Variants in CSMD1 observed in about 807,000 individuals in gnomAD.
The protein encoded by CSMD1 is CUB and sushi domain-containing protein 1.
A neutral mutation model predicts 417.5 loss-of-function variants in CSMD1; 213 were observed. The observed-to-expected ratio is 0.51, with a 90% CI of 0.46 to 0.57. The LOEUF is 0.57. Among genes scored for constraint, CSMD1 ranks in the 20% least tolerant of loss-of-function variants. The pLI is 0.00. For missense variants in CSMD1, 6,923 were observed against 4,529.7 expected (o/e 1.53, Z -15.17); for synonymous variants, 2,862 against 1,736.8 (o/e 1.65, Z -16.11).
At chr8:3,899,359 C>T (rs551516171) in intron 5 of CSMD1, among the ~76,000 whole-genome samples, 8 of 152,256 alleles carry the variant, frequency 5.3e-5, no homozygotes, top group African/African-American at 1.4e-4. Context: ...ACAGATTCTC[C>T]GCCCTGGCAC....
At chr8:4,667,308 C>T (rs1475921361) in intron 1 of CSMD1, among the ~76,000 whole-genome samples, 2 of 152,036 alleles carry the variant, frequency 1.3e-5, no homozygotes, top group East Asian at 1.9e-4. Flanking sequence ...TTTAGTGCTT[C>T]TTTCTTAAAA....
At chr8:4,094,362 C>T (rs772671932) in intron 3 of CSMD1, among the ~76,000 whole-genome samples, 5 of 152,150 alleles carry the variant, frequency 3.3e-5, no homozygotes, top group South Asian at 4.2e-4. Flanking sequence ...TCATGGGTAA[C>T]AGAGGAAAGA....
chr8:3,500,744 G>T (rs780742655), intron 10 of CSMD1, among the ~76,000 whole-genome samples: 12 of 152,128 alleles, frequency 7.9e-5, no homozygotes, highest in African/African-American at 1.7e-4. Context: ...TGACTGGATG[G>T]AGGACATGGA....
At chr8:4,337,339 C>G (rs1203234312) in intron 3 of CSMD1, among the ~76,000 whole-genome samples, 1 of 152,076 alleles carries the variant, frequency 6.6e-6, no homozygotes, top group Non-Finnish European at 1.5e-5. Flanking sequence ...ACCCCAGCAA[C>G]CGACATTGTT....
chr8:4,111,027 T>G (rs4875280), intron 3 of CSMD1, among the ~76,000 whole-genome samples: 58,642 of 151,824 alleles, frequency 0.39, 11,432 homozygotes, highest in Admixed American at 0.4. Flanking sequence ...AGGGACTCCC[T>G]GCGAAAGGAA....
intron 24 of CSMD1, among the ~76,000 whole-genome samples, chr8:3,308,075 G>A (rs1805025395): frequency 1.2e-5 from 1 of 80,330 alleles, no homozygotes; most frequent in Non-Finnish European, 2.7e-5. Flanking sequence ...AATAATATGT[G>A]ATAATTCTAA....
At chr8:4,200,628 G>T (rs1416341304) in intron 3 of CSMD1, among the ~76,000 whole-genome samples, 1 of 152,150 alleles carries the variant, frequency 6.6e-6, no homozygotes, top group Non-Finnish European at 1.5e-5. Context: ...GGCTGAGGTG[G>T]GAGGATTTCT....
intron 1 of CSMD1, among the ~76,000 whole-genome samples, chr8:4,784,298 G>A (rs1797296397): frequency 1.3e-5 from 2 of 152,160 alleles, no homozygotes; most frequent in African/African-American, 4.8e-5. Flanking sequence ...CTAAAGATTT[G>A]GCTCCCAACT....
At position 4,036,149 on chromosome 8, in the gene CSMD1, G is replaced by A. The variant is rs147052840; in HGVS notation, c.416-4050C>T. Among the ~76,000 whole-genome samples, 9 of 152,250 alleles carry A rather than the reference G, an allele frequency of 5.9e-5. No homozygotes were observed. In the East Asian group the frequency reaches 9.6e-4, roughly 16 times the overall value. Reference sequence around the variant, plus strand: ...ACACATCCTAGGTGCGTAGTAGGCCGCAAAACTTGGGTTTGTGTAAGTGTG... The same window carrying A: ...ACACATCCTAGGTGCGTAGTAGGCCACAAAACTTGGGTTTGTGTAAGTGTG... On this transcript the variant is annotated intron_variant, in intron 3 of 69. Transcript: ENST00000635120.
At chr8:4,241,406 C>A (rs561236239) in intron 3 of CSMD1, among the ~76,000 whole-genome samples, 4 of 152,302 alleles carry the variant, frequency 2.6e-5, no homozygotes, top group South Asian at 2.1e-4. Flanking sequence ...TACTTGCTAA[C>A]CCCATGTTAA....
intron 3 of CSMD1, among the ~76,000 whole-genome samples, chr8:4,288,077 T>C (rs1320342543): frequency 6.6e-6 from 1 of 152,204 alleles, no homozygotes; most frequent in Admixed American, 6.5e-5. Context: ...ACTTCTTTAC[T>C]TTTACTGAGC....
chr8:4,906,758 C>A (rs1585303591), intron 1 of CSMD1, among the ~76,000 whole-genome samples: 1 of 152,176 alleles, frequency 6.6e-6, no homozygotes, highest in Non-Finnish European at 1.5e-5. Flanking sequence ...CGGGGTTTCA[C>A]CATGCTGGCC....
chr8:3,906,004 G>C (rs904747524), intron 5 of CSMD1, among the ~76,000 whole-genome samples: 3 of 152,100 alleles, frequency 2.0e-5, no homozygotes, highest in Non-Finnish European at 2.9e-5. Context: ...GTTAGGCCTG[G>C]AGTTCTTTTT....
chr8:4,788,192 A>C (rs1031064700), intron 1 of CSMD1: 27 of 1,595,406 alleles, frequency 1.7e-5, no homozygotes, highest in African/African-American at 8.0e-5. Flanking sequence ...TTGGCATTCC[A>C]TGTGAACTTT....
intron 12 of CSMD1, among the ~76,000 whole-genome samples, chr8:3,456,800 G>C (rs6997447): frequency 0.1 from 15,287 of 151,974 alleles, 1,381 homozygotes; most frequent in East Asian, 0.35. Context: ...TATAGATGAG[G>C]CTACTAAAGG....
At chr8:4,432,228 G>T (rs1447951617) in intron 2 of CSMD1, among the ~76,000 whole-genome samples, 1 of 152,168 alleles carries the variant, frequency 6.6e-6, no homozygotes, top group Non-Finnish European at 1.5e-5. Context: ...TGTCAAATGG[G>T]TTATGAGAAA....
At chr8:3,262,900 C>G (rs1801183768) in intron 26 of CSMD1, among the ~76,000 whole-genome samples, 1 of 152,026 alleles carries the variant, frequency 6.6e-6, no homozygotes. Context: ...GGAATGTGAA[C>G]TTCATTGCAA....
intron 3 of CSMD1, among the ~76,000 whole-genome samples, chr8:4,264,665 G>C (rs76471199): frequency 0.027 from 4,049 of 152,230 alleles, 70 homozygotes; most frequent in Middle Eastern, 0.051. Context: ...CATATTCACC[G>C]AGGTGGTCAT....
intron 3 of CSMD1, among the ~76,000 whole-genome samples, chr8:4,348,625 AGGGGAGAG>A (rs1367232644): frequency 4.4e-4 from 3 of 6,862 alleles, no homozygotes; most frequent in African/African-American, 1.2e-3. Flanking sequence ...TGGGGGAGGG[AGGGGAGAG>A]GGGGAGAGGG....
Sources: allele counts gnomAD v4.1 joint callset (sites outside exome capture counted in the v4.1 genomes callset), GRCh38; gene constraint gnomAD v4.1.1; transcripts MANE v1.5; gene names NCBI Gene and HGNC (gene_info 2026-07-23, HGNC 2026-07-21).